Variants in CHD4 observed in about 807,000 individuals in gnomAD.
CHD4 encodes chromodomain helicase DNA binding protein 4, also known as ATP-dependent chromatin remodeler CHD4.
Under a neutral mutation model 235.5 loss-of-function variants are expected in CHD4, and 35 were observed. The ratio of observed to expected loss-of-function variants is 0.15; its 90% CI spans 0.11 to 0.20. The LOEUF (loss-of-function observed/expected upper bound fraction) is 0.20. CHD4 is among the 10% of genes least tolerant of loss of function. The pLI, the probability that CHD4 is intolerant of heterozygous loss-of-function variation, is 1.00. For synonymous variants in CHD4, 900 were observed against 850.2 expected, an observed-to-expected ratio of 1.06 and a Z score of -1.02; for missense variants, 1,329 against 2,432.3, an observed-to-expected ratio of 0.55 and a Z score of 9.54.
Position 6,591,770 on chromosome 12 carries a change from G to C in CHD4, c.3146C>G (p.Ser1049Cys), listed in dbSNP as rs770143808. 1 of 1,614,200 alleles carries C rather than the reference G, an allele frequency of 6.2e-7. No homozygotes were observed. Among genetic ancestry groups the C allele is most frequent in the Non-Finnish European group, 8.5e-7 (1 of 1,180,034 alleles). Residue 1049 changes from serine (S) to cysteine (C), a missense_variant, in exon 21 of 40, where the codon TCT (serine) becomes TGT (cysteine). Around this residue, in one of 26 missense-constraint regions of CHD4, gnomAD observed 39 missense variants for 83.8 expected, o/e 0.47. Transcript: ENST00000544040. ...TTTCTGCAGCAGCAATAATTTCCCA[G>C]ATGCTCTGATTAGGGCACTGCCATC... The part of the protein sequence containing the change: ...MYDGSALIRA[S>C]GKLLLLQKML...
At chr12:6,590,860 C>G (rs369580924) in intron 22 of CHD4, among the ~76,000 whole-genome samples, 2 of 151,778 alleles carry the variant, frequency 1.3e-5, no homozygotes, top group African/African-American at 2.4e-5. Context: ...CGTGGTGGCT[C>G]GTGCCTGTAA....
Position 6,591,475 on chromosome 12 carries a change from G to A in CHD4, c.3331C>T (p.Arg1111Cys), listed in dbSNP as rs1948399683. 1 of 1,612,048 alleles carries A rather than the reference G, an allele frequency of 6.2e-7. No individual in the cohort carries two copies. The change falls in exon 22 of 40, where the codon CGC (arginine) becomes TGC (cysteine). Residue 1111 changes from arginine (R) to cysteine (C), a missense_variant. By Grantham distance (180) the Arg-to-Cys change is radical (BLOSUM62 -3). Transcript: ENST00000544040. ...TGNMRQEAIDRFNAPGAQQFC... is the reference protein window; with the variant it reads ...TGNMRQEAIDCFNAPGAQQFC... The stretch of plus-strand genomic sequence containing the variant: ...ACTCCTTCTCTCTCACCATTGAAGC[G>A]GTCAATGGCCTCTTGCCGCATGTTC...
At position 6,595,442 on chromosome 12, in the gene CHD4, A is replaced by C; in HGVS notation, c.2025-12T>G. ...CCCTCATTAACTCCCTAAAGAAGAA[A>C]GACATCACACAGCTGCCCAAAATCC... On this transcript the variant is annotated splice_polypyrimidine_tract_variant and intron_variant, in intron 13 of 39. Transcript: ENST00000544040. 3 of 1,611,420 alleles carry C rather than the reference A, an allele frequency of 1.9e-6. No homozygotes were observed. Among genetic ancestry groups the C allele is most frequent in the Non-Finnish European group, 2.5e-6 (3 of 1,177,812 alleles).
rs1486087564 is a variant in CHD4, at chr12:6,591,753, G to A, written c.3163C>T (p.Leu1055=). ...LIRASGKLLL[L]QKMLKNLKEG... ...TTAAGGTTCTTGAGCATTTTCTGCA[G>A]CAGCAATAATTTCCCAGATGCTCTG... Residue 1055 remains leucine, a synonymous_variant, in exon 21 of 40, where the codon CTG becomes TTG. Transcript: ENST00000544040. The A allele has an allele frequency of 6.2e-7, 1 of 1,614,096 alleles. No homozygotes were observed. The highest frequency in any genetic ancestry group is 8.5e-7 in the Non-Finnish European group (1 of 1,180,048).
chr12:6,606,304 A>G lies in CHD4; in HGVS notation c.70T>C (p.Leu24=), dbSNP rs2136230920. Residue 24 remains leucine, a synonymous_variant, in exon 2 of 40, where the codon TTG becomes CTG. Coordinates refer to ENST00000544040, the MANE Select transcript of CHD4 (RefSeq NM_001273.5). ...TGGGGTGGGGGCAGGCTGTTGTTCA[A>G]AAGTGCATCCATATCCTCCTCCTCA... The part of the protein sequence containing the change: ...GSEEEDMDAL[L]NNSLPPPHPE... The G allele has an allele frequency of 1.3e-6, 2 of 1,586,116 alleles. No individual in the cohort carries two copies. Among genetic ancestry groups the G allele is most frequent in the Non-Finnish European group, 1.7e-6 (2 of 1,167,992 alleles).
At chr12:6,603,157 GC>G (rs1948628440) in intron 2 of CHD4, 1 of 152,198 alleles carries the variant, frequency 6.6e-6, no homozygotes, top group Admixed American at 6.6e-5. Flanking sequence ...GCCCGAATCA[GC>G]CCAGCTGTCA....
Position 6,596,149 on chromosome 12 carries a change from G to C in CHD4, c.1893-12C>G, listed in dbSNP as rs201636143. 6.2e-4 allele frequency: 999 copies of C among 1,610,490 alleles called. 3 individuals carry two copies. Among genetic ancestry groups the C allele is most frequent in the Non-Finnish European group, 7.7e-4 (912 of 1,178,942 alleles). On this transcript the variant is annotated splice_polypyrimidine_tract_variant and intron_variant, in intron 12 of 39. Coordinates refer to ENST00000544040, the MANE Select transcript of CHD4 (RefSeq NM_001273.5). ...CCTTCTTGTCCACACTGCAAGTCCA[G>C]GAGAGAAAACCCTCAGAGCCAGAAA...
intron 6 of CHD4, 79 bp from the exon 7 acceptor site, chr12:6,601,132 TC>T: frequency 6.6e-7 from 1 of 1,524,306 alleles, no homozygotes; most frequent in South Asian, 1.3e-5. Flanking sequence ...TAAGCTTGCT[TC>T]CCCACATTCA....
At chr12:6,591,887 AG>A (rs1462485809) in intron 20 of CHD4, 28 bp downstream of exon 20, 16 of 1,614,116 alleles carry the variant, frequency 9.9e-6, no homozygotes, top group Non-Finnish European at 1.4e-5. Flanking sequence ...GACCCAACCC[AG>A]GGAGGAACAG....
At chr12:6,595,933 G>A in intron 13 of CHD4, 73 bp downstream of exon 13, 2 of 1,498,904 alleles carry the variant, frequency 1.3e-6, no homozygotes, top group Non-Finnish European at 1.8e-6. Context: ...ACTACAGCTT[G>A]GTGACAGAGC....
intron 18 of CHD4, 27 bp from the exon 19 acceptor site, chr12:6,592,593 A>AT: frequency 6.3e-7 from 1 of 1,583,010 alleles, no homozygotes; most frequent in East Asian, 2.3e-5. Context: ...GAAAAAAGTT[A>AT]TTGGAGAAGG....
chr12:6,570,157 CTTTTTTTT>C lies in CHD4; in HGVS notation c.*511_*518del, dbSNP rs201057993. On this transcript the variant is annotated 3_prime_UTR_variant, in exon 40 of 40. Coordinates refer to ENST00000544040, the MANE Select transcript of CHD4 (RefSeq NM_001273.5). ...GGTTTTTTATGCTTTTGGTTTTTTC[CTTTTTTTT>C]TTTTTCCACTTTATTTCATTTAGCC... is the stretch of plus-strand genomic sequence containing the variant. The C allele has an allele frequency of 6.9e-6, 1 of 145,574 alleles. No individual in the cohort carries two copies. Among genetic ancestry groups the C allele is most frequent in the Non-Finnish European group, 1.5e-5 (1 of 66,154 alleles). 9.0% of individuals were successfully genotyped at this position (145,574 alleles called of 1,614,324 possible). A position where few individuals can be genotyped will look rare whatever the true frequency, so the allele number is the denominator to read the frequency against.
At chr12:6,570,844 G>A (rs1408712476) in intron 39 of CHD4, 25 bp downstream of exon 39, 5 of 1,613,754 alleles carry the variant, frequency 3.1e-6, no homozygotes, top group Non-Finnish European at 3.4e-6. Flanking sequence ...AGGAAGAGGT[G>A]GTGTCAAGAA....
In CHD4 at chr12:6,601,998, C is replaced by CCTT. The variant is rs763207937; in HGVS notation, c.397_399dup (p.Lys133dup). ...TCATCATCCTCCTCCTCCTCCTCCT[C>CCTT]CTTCCGCTTGGATTTGCTCTTCTTC... On this transcript the variant is annotated inframe_insertion, in exon 4 of 40. Coordinates refer to ENST00000544040, the MANE Select transcript of CHD4 (RefSeq NM_001273.5). The CCTT allele has an allele frequency of 6.2e-7, 1 of 1,610,396 alleles. No individual in the cohort carries two copies. Among genetic ancestry groups the CCTT allele is most frequent in the Non-Finnish European group, 8.5e-7 (1 of 1,179,948 alleles).
Position 6,593,803 on chromosome 12 carries a change from A to G in CHD4, c.2314-187T>C, listed in dbSNP as rs749352272. ...CTTTCCAAAAACCCAAGGTCCCACC[A>G]TAACTACAAGTCTTACCTCTCCCAT... On this transcript the variant is annotated intron_variant, in intron 15 of 39. Coordinates refer to ENST00000544040, the MANE Select transcript of CHD4 (RefSeq NM_001273.5). The surrounding 1 kb of genome is among the most constrained non-coding windows in gnomAD (Gnocchi z 4.9). 5.3e-5 allele frequency among the ~76,000 whole-genome samples: 8 copies of G among 152,178 alleles called. No homozygotes were observed. The highest frequency in any genetic ancestry group is 2.0e-4 in the Admixed American group (3 of 15,280).
At chr12:6,596,217 T>C in intron 12 of CHD4, 80 bp from the exon 13 acceptor site, 3 of 1,564,900 alleles carry the variant, frequency 1.9e-6, no homozygotes, top group Non-Finnish European at 2.6e-6. Flanking sequence ...GCAATACCGT[T>C]TGTTTCACAC....
chr12:6,602,377 T>A lies in CHD4; in HGVS notation c.221A>T (p.Glu74Val), dbSNP rs779720833. The change falls in exon 3 of 40, where the codon GAG becomes GTG. Residue 74 changes from glutamate (E) to valine (V), a missense_variant and splice_region_variant. Glu to Val is a moderately radical substitution (Grantham distance 121). Transcript: ENST00000544040. ...CGTAACATTCAGTCACCCACTCACC[T>A]CCTTTTTTTGGCGCTTGCTCTTAGG... ...KIPKSKRQKKERMLLCRQLGD... is the reference protein window; with the variant it reads ...KIPKSKRQKKVRMLLCRQLGD... 1.9e-6 allele frequency: 3 copies of A among 1,613,362 alleles called. No individual in the cohort carries two copies. Among genetic ancestry groups the A allele is most frequent in the Non-Finnish European group, 2.5e-6 (3 of 1,179,932 alleles).
rs1292568643 is a variant in CHD4, at chr12:6,581,334, C to G, written c.4736G>C (p.Gly1579Ala). 1.2e-6 allele frequency: 2 copies of G among 1,614,212 alleles called. No individual in the cohort carries two copies. The highest frequency in any genetic ancestry group is 1.7e-6 in the Non-Finnish European group (2 of 1,180,040). Reference sequence around the variant, plus strand: ...GGCTGTAGATTTAACCTCCTTTTCTCCTTCTATGCTCTCTTCTTCTTTGAG... The same window carrying G: ...GGCTGTAGATTTAACCTCCTTTTCTGCTTCTATGCTCTCTTCTTCTTTGAG... ...NSLKEEESIE[G>A]EKEVKSTAPE... is the part of the protein sequence containing the mutation. Residue 1579 changes from glycine to alanine, a missense_variant, in exon 32 of 40, where the codon GGA becomes GCA. By Grantham distance (60) the Gly-to-Ala change is moderately conservative. Around this residue, in one of 26 missense-constraint regions of CHD4, gnomAD observed 219 missense variants for 219.3 expected, o/e 1.00. Transcript: ENST00000544040.
At chr12:6,589,183 A>G (rs561163120) in intron 22 of CHD4, among the ~76,000 whole-genome samples, 4 of 151,710 alleles carry the variant, frequency 2.6e-5, no homozygotes, top group African/African-American at 4.8e-5. Context: ...AGGCAGAAGT[A>G]AAAAAGAAAG....
Sources: allele counts gnomAD v4.1 joint callset (sites outside exome capture counted in the v4.1 genomes callset), GRCh38; gene constraint gnomAD v4.1.1; regional missense constraint gnomAD v4.1.1; non-coding constraint Gnocchi (gnomAD v3.1); transcripts MANE v1.5; gene names NCBI Gene and HGNC (gene_info 2026-07-23, HGNC 2026-07-21).